CPXM2: variants seen among roughly 807,000 people sequenced by gnomAD.
CPXM2 encodes inactive carboxypeptidase-like protein X2.
A neutral mutation model predicts 86.1 loss-of-function variants in CPXM2; 66 were observed. The ratio of observed to expected loss-of-function variants is 0.77; its 90% CI spans 0.63 to 0.94. The LOEUF is 0.94. Among genes scored for constraint, CPXM2 ranks in the 40% least tolerant of loss-of-function variants. The probability of loss-of-function intolerance (pLI) is 0.00; values close to 1 mark genes in which losing one functional copy is unlikely to be tolerated. For synonymous variants in CPXM2, 388 were observed against 400.2 expected (o/e 0.97, Z 0.36); for missense variants, 948 against 1,026.3 (o/e 0.92, Z 1.04).
chr10:123,828,049 T>TGAG (rs1177799336), intron 4 of CPXM2, among the ~76,000 whole-genome samples: 3 of 152,232 alleles, frequency 2.0e-5, no homozygotes, highest in African/African-American at 7.2e-5. Context: ...TGCATGCCTC[T>TGAG]AGTCCTTGCT....
chr10:123,746,699 T>C lies in CPXM2; in HGVS notation c.*65A>G, dbSNP rs1368145311. 9.5e-6 allele frequency: 14 copies of C among 1,467,856 alleles called. No individual in the cohort carries two copies. The highest frequency in any genetic ancestry group is 1.3e-5 in the Non-Finnish European group (14 of 1,060,916). 90.9% of individuals were successfully genotyped at this position (1,467,856 alleles called of 1,614,324 possible). The stretch of plus-strand genomic sequence containing the variant: ...GAAACAACAGTGAGTGAGTCCACTA[T>C]GGAGCTACTACCAGGTTGGTTTAAT... On this transcript the variant is annotated 3_prime_UTR_variant, in exon 14 of 14. Coordinates refer to ENST00000241305, the MANE Select transcript of CPXM2 (RefSeq NM_198148.3).
chr10:123,901,510 G>T (rs771539783), intron 2 of CPXM2, among the ~76,000 whole-genome samples: 11 of 149,206 alleles, frequency 7.4e-5, no homozygotes, highest in Admixed American at 1.3e-4. Flanking sequence ...TTTTCACATT[G>T]CATTATAAGC....
At chr10:123,882,192 G>C (rs1945104233) in intron 1 of CPXM2, among the ~76,000 whole-genome samples, 1 of 152,190 alleles carries the variant, frequency 6.6e-6, no homozygotes, top group Admixed American at 6.5e-5. Context: ...TTCTTGGGTG[G>C]TACCTGCTGG....
intron 2 of CPXM2, among the ~76,000 whole-genome samples, chr10:123,870,702 A>G (rs1944881453): frequency 6.6e-6 from 1 of 151,924 alleles, no homozygotes; most frequent in Non-Finnish European, 1.5e-5. Flanking sequence ...GCTCTTTAAC[A>G]CCCACCACAG....
intron 6 of CPXM2, among the ~76,000 whole-genome samples, chr10:123,781,414 G>C (rs1846930874): frequency 6.6e-6 from 1 of 152,210 alleles, no homozygotes; most frequent in Non-Finnish European, 1.5e-5. Context: ...ACTGGGAAGA[G>C]ACCACTCCAT....
chr10:123,875,571 G>A (rs1357656102), intron 2 of CPXM2, among the ~76,000 whole-genome samples: 6 of 152,110 alleles, frequency 3.9e-5, no homozygotes, highest in Admixed American at 3.9e-4. Flanking sequence ...TCATAACAAG[G>A]GCTTGAATGA....
intron 4 of CPXM2, among the ~76,000 whole-genome samples, chr10:123,840,840 G>A (rs1278675665): frequency 6.6e-6 from 1 of 152,192 alleles, no homozygotes; most frequent in East Asian, 1.9e-4. Flanking sequence ...GTGGTTAAAT[G>A]TAAGCACAGA....
chr10:123,889,699 G>A (rs887691734), intron 1 of CPXM2, among the ~76,000 whole-genome samples: 4 of 152,198 alleles, frequency 2.6e-5, no homozygotes, highest in African/African-American at 9.6e-5. Context: ...ATTTGCAAAC[G>A]ATGATGAAGT....
intron 3 of CPXM2, among the ~76,000 whole-genome samples, chr10:123,852,589 C>G (rs555982068): frequency 6.6e-6 from 1 of 152,342 alleles, no homozygotes; most frequent in East Asian, 1.9e-4. Context: ...CCAGAACTTT[C>G]CAGGGCTCCC....
At chr10:123,761,415 C>G (rs11248274) in intron 11 of CPXM2, among the ~76,000 whole-genome samples, 8,812 of 152,292 alleles carry the variant, frequency 0.058, 269 homozygotes, top group South Asian at 0.11. Context: ...AACAGAATAG[C>G]TCTTACAGCT....
chr10:123,892,932 C>T (rs1354093981), upstream of CPXM2, among the ~76,000 whole-genome samples: 2 of 152,214 alleles, frequency 1.3e-5, no homozygotes. Context: ...AGAGCCAGAG[C>T]TGGCACAGCT....
At chr10:123,831,498 C>G (rs1159710635) in intron 4 of CPXM2, among the ~76,000 whole-genome samples, 1 of 152,208 alleles carries the variant, frequency 6.6e-6, no homozygotes, top group Non-Finnish European at 1.5e-5. Flanking sequence ...TTTGTGGGCA[C>G]CATTAATTTA....
intron 4 of CPXM2, among the ~76,000 whole-genome samples, chr10:123,804,832 T>A (rs978789892): frequency 2.0e-5 from 3 of 152,168 alleles, no homozygotes; most frequent in Non-Finnish European, 4.4e-5. Flanking sequence ...TTTTTCTACT[T>A]TTTTTCTTTT....
chr10:123,849,872 A>C (rs550846648), intron 3 of CPXM2, among the ~76,000 whole-genome samples: 2 of 152,320 alleles, frequency 1.3e-5, no homozygotes, highest in East Asian at 3.9e-4. Context: ...TACCCACATA[A>C]CCACATCCAG....
intron 2 of CPXM2, among the ~76,000 whole-genome samples, chr10:123,864,654 C>T (rs912355801): frequency 9.2e-5 from 14 of 152,174 alleles, no homozygotes; most frequent in Non-Finnish European, 1.3e-4. Context: ...CATTTATACA[C>T]TCTAAGTGAG....
At chr10:123,846,559 T>C in intron 3 of CPXM2, among the ~76,000 whole-genome samples, 1 of 152,216 alleles carries the variant, frequency 6.6e-6, no homozygotes, top group East Asian at 1.9e-4. Flanking sequence ...AGATTGGTAC[T>C]GGTCTGTGGA....
intron 2 of CPXM2, among the ~76,000 whole-genome samples, chr10:123,915,007 C>T (rs73368748): frequency 0.044 from 6,741 of 152,278 alleles, 501 homozygotes; most frequent in African/African-American, 0.15. Context: ...ATGCAAAGTC[C>T]TTACCAAGAG....
intron 4 of CPXM2, among the ~76,000 whole-genome samples, chr10:123,805,070 A>G (rs144462680): frequency 3.2e-4 from 49 of 152,194 alleles, no homozygotes; most frequent in Non-Finnish European, 6.6e-4. Context: ...ATCTGCTTTC[A>G]TTCTTCATAT....
At chr10:123,834,503 G>A (rs10218913) in intron 4 of CPXM2, among the ~76,000 whole-genome samples, 45,568 of 152,172 alleles carry the variant, frequency 0.3, 7,973 homozygotes, top group African/African-American at 0.49. Context: ...TGAGCACAAG[G>A]AGGGTTGTGC....
Sources: gnomAD v4.1 joint callset for allele counts (sites outside exome capture counted in the v4.1 genomes callset) on GRCh38, gnomAD v4.1.1 for gene constraint, MANE v1.5 for transcripts, NCBI Gene and HGNC (gene_info 2026-07-23, HGNC 2026-07-21) for gene names.